GLIS3: variants seen among roughly 807,000 people sequenced by gnomAD.
The protein encoded by GLIS3 is GLIS family zinc finger 3.
A neutral mutation model predicts 78.6 loss-of-function variants in GLIS3; 53 were observed. The ratio of observed to expected loss-of-function variants is 0.67; its 90% CI spans 0.54 to 0.85. The LOEUF (loss-of-function observed/expected upper bound fraction) is 0.85. Among genes scored for constraint, GLIS3 ranks in the 40% least tolerant of loss-of-function variants. The pLI, the probability that GLIS3 is intolerant of heterozygous loss-of-function variation, is 0.00. For synonymous variants in GLIS3, 684 were observed against 509.9 expected, an observed-to-expected ratio of 1.34 and a Z score of -4.60; for missense variants, 1,703 against 1,231.1, an observed-to-expected ratio of 1.38 and a Z score of -5.74.
chr9:4,110,997 T>A (rs2130844216), intron 4 of GLIS3, among the ~76,000 whole-genome samples: 1 of 152,294 alleles, frequency 6.6e-6, no homozygotes, highest in Middle Eastern at 3.4e-3. Flanking sequence ...TCAAGAAATA[T>A]TCCAAAGGTC....
chr9:4,235,215 C>T (rs7037691), intron 2 of GLIS3, among the ~76,000 whole-genome samples: 36,101 of 149,632 alleles, frequency 0.24, 5,078 homozygotes, highest in Middle Eastern at 0.35. Flanking sequence ...AGGAGAATCG[C>T]TTGAACCCGG....
chr9:4,389,748 T>A, the GLIS3 span, among the ~76,000 whole-genome samples: 8 of 152,180 alleles, frequency 5.3e-5, no homozygotes, highest in Non-Finnish European at 1.5e-5. Flanking sequence ...GACATACAGG[T>A]GCCCAAGTGC....
intron 1 of GLIS3, among the ~76,000 whole-genome samples, chr9:4,289,587 T>A (rs1011439031): frequency 6.6e-6 from 1 of 152,082 alleles, no homozygotes; most frequent in Non-Finnish European, 1.5e-5. Flanking sequence ...TAGTTAAAAA[T>A]CCAATCACAT....
At chr9:4,194,752 T>G (rs1364886719) in intron 2 of GLIS3, among the ~76,000 whole-genome samples, 1 of 152,190 alleles carries the variant, frequency 6.6e-6, no homozygotes, top group Non-Finnish European at 1.5e-5. Context: ...GTGACTCACC[T>G]TTCCACTGAA....
chr9:3,841,008 A>G (rs1249709116), intron 9 of GLIS3, among the ~76,000 whole-genome samples: 1 of 152,198 alleles, frequency 6.6e-6, no homozygotes, highest in Admixed American at 6.5e-5. Context: ...AAAAGGTTCA[A>G]ACAAGGGGAT....
At chr9:4,202,654 A>G (rs1586963585) in intron 2 of GLIS3, among the ~76,000 whole-genome samples, 2 of 152,168 alleles carry the variant, frequency 1.3e-5, no homozygotes, top group Non-Finnish European at 2.9e-5. Context: ...GAGAACCCAG[A>G]AGTAAAATCT....
chr9:3,967,077 T>C (rs1046708729), intron 4 of GLIS3, among the ~76,000 whole-genome samples: 1 of 146,594 alleles, frequency 6.8e-6, no homozygotes, highest in Non-Finnish European at 1.5e-5. Context: ...ACATGATTGA[T>C]ACTGTACATG....
intron 2 of GLIS3, among the ~76,000 whole-genome samples, chr9:4,326,672 A>G (rs899623653): frequency 1.3e-5 from 2 of 152,196 alleles, no homozygotes; most frequent in African/African-American, 4.8e-5. Context: ...TACACACCAA[A>G]AAGTAGTTTG....
At chr9:4,080,747 G>A (rs182071865) in intron 4 of GLIS3, among the ~76,000 whole-genome samples, 3 of 152,282 alleles carry the variant, frequency 2.0e-5, no homozygotes, top group Admixed American at 1.3e-4. Flanking sequence ...ACAAAAGAGA[G>A]AAGTCTAGGG....
rs200986848 is a variant in GLIS3, at chr9:4,286,174, T to C, written c.252A>G (p.Leu84=). Residue 84 remains leucine (L), a synonymous_variant, in exon 2 of 11, where the codon TTA becomes TTG. Transcript: ENST00000381971. ...TGGTGAGCATTTGTCTCCTGGGGCTTAAGGCAGGCAGATGGATGCGGCTCT... is the reference window on the plus strand; with the variant it reads ...TGGTGAGCATTTGTCTCCTGGGGCTCAAGGCAGGCAGATGGATGCGGCTCT... ...VAESRIHLPA[L]SPRRQMLTNG... The C allele has an allele frequency of 6.2e-7, 1 of 1,614,174 alleles. No homozygotes were observed. The highest frequency in any genetic ancestry group is 8.5e-7 in the Non-Finnish European group (1 of 1,180,034).
At chr9:4,033,321 A>T (rs1178581079) in intron 4 of GLIS3, among the ~76,000 whole-genome samples, 1 of 152,212 alleles carries the variant, frequency 6.6e-6, no homozygotes, top group East Asian at 1.9e-4. Context: ...TCACCCCTTA[A>T]GGCTGCAGCG....
the GLIS3 span, among the ~76,000 whole-genome samples, chr9:4,482,413 T>G: frequency 1.1e-3 from 169 of 152,348 alleles, no homozygotes; most frequent in African/African-American, 4.0e-3. Flanking sequence ...CTATCTAGAC[T>G]GAGATTGGAA....
At chr9:4,030,318 T>G (rs1823724741) in intron 4 of GLIS3, among the ~76,000 whole-genome samples, 1 of 152,210 alleles carries the variant, frequency 6.6e-6, no homozygotes, top group Non-Finnish European at 1.5e-5. Context: ...CCTAGAGTTA[T>G]TTGAGTTCCT....
chr9:4,401,972 G>C, the GLIS3 span, among the ~76,000 whole-genome samples: 175 of 152,220 alleles, frequency 1.1e-3, no homozygotes, highest in African/African-American at 4.0e-3. Flanking sequence ...AGCTATAGTA[G>C]AATAGAACAA....
At chr9:4,422,572 T>C in the GLIS3 span, among the ~76,000 whole-genome samples, 1 of 152,176 alleles carries the variant, frequency 6.6e-6, no homozygotes, top group Non-Finnish European at 1.5e-5. Flanking sequence ...AAATATCAGT[T>C]ACATATCTCT....
chr9:4,290,504 C>T (rs1239726648), intron 1 of GLIS3, among the ~76,000 whole-genome samples: 1 of 152,120 alleles, frequency 6.6e-6, no homozygotes, highest in Non-Finnish European at 1.5e-5. Context: ...TCTCTTGTTA[C>T]AGCTTTTGTA....
chr9:4,256,459 G>C (rs556542770), intron 2 of GLIS3, among the ~76,000 whole-genome samples: 2 of 152,286 alleles, frequency 1.3e-5, no homozygotes, highest in African/African-American at 4.8e-5. Flanking sequence ...CTTAAATTGT[G>C]AAAGATTAAA....
chr9:4,350,703 C>T (rs1036590605), upstream of GLIS3, among the ~76,000 whole-genome samples: 8 of 152,198 alleles, frequency 5.3e-5, no homozygotes, highest in African/African-American at 1.7e-4. Context: ...CTCCTTCATT[C>T]TGGACCAAGG....
chr9:4,166,614 A>G (rs998233512), intron 2 of GLIS3, among the ~76,000 whole-genome samples: 1 of 152,368 alleles, frequency 6.6e-6, no homozygotes, highest in Non-Finnish European at 1.5e-5. Context: ...CCAGGAGTTC[A>G]GTTTTATGTA....
Sources: allele counts gnomAD v4.1 joint callset (sites outside exome capture counted in the v4.1 genomes callset), GRCh38; gene constraint gnomAD v4.1.1; transcripts MANE v1.5; gene names NCBI Gene and HGNC (gene_info 2026-07-23, HGNC 2026-07-21).